Variants in XYLT1 observed in about 807,000 individuals in gnomAD.
The protein encoded by XYLT1 is beta-D-xylosyltransferase 1.
XYLT1 carries 36 observed loss-of-function variants against 91.3 expected under a neutral mutation model. That is an observed-to-expected ratio of 0.39 (90% CI 0.30 to 0.52). The LOEUF (loss-of-function observed/expected upper bound fraction) is 0.52, where lower values mean the gene tolerates loss of function less well. Among genes scored for constraint, XYLT1 ranks in the 20% least tolerant of loss-of-function variants. XYLT1 has a pLI of 0.68. For missense variants in XYLT1, 1,242 were observed against 1,284.5 expected, an observed-to-expected ratio of 0.97 and a Z score of 0.51; for synonymous variants, 588 against 532.0, an observed-to-expected ratio of 1.11 and a Z score of -1.45.
intron 2 of XYLT1, among the ~76,000 whole-genome samples, chr16:17,322,400 T>C (rs768310829): frequency 3.9e-5 from 6 of 152,182 alleles, no homozygotes; most frequent in Admixed American, 6.5e-5. Flanking sequence ...ATCATCATCA[T>C]CTCCATTTTA....
Position 17,105,987 on chromosome 16 carries a change from T to C in XYLT1, c.*2708A>G, listed in dbSNP as rs1431930805. The C allele has an allele frequency of 6.6e-6, 1 of 151,966 alleles. No homozygotes were observed. Among genetic ancestry groups the C allele is most frequent in the Non-Finnish European group, 1.5e-5 (1 of 67,996 alleles). The allele number at this position is 151,966 out of a possible 1,614,324, so 9.4% of individuals were successfully genotyped here. ...GCAACCTTATTCTCTGGTCTATTAA[T>C]TAATAACATCAGAGAAGGGAGAGGA... On this transcript the variant is annotated 3_prime_UTR_variant, in exon 12 of 12. Transcript: ENST00000261381.
At chr16:17,240,608 G>GT (rs2033330981) in intron 3 of XYLT1, among the ~76,000 whole-genome samples, 1 of 152,228 alleles carries the variant, frequency 6.6e-6, no homozygotes. Context: ...TGGTTGAAAT[G>GT]TGAGAATGAG....
At chr16:17,333,578 A>AT (rs1389907014) in intron 2 of XYLT1, among the ~76,000 whole-genome samples, 16 of 144,314 alleles carry the variant, frequency 1.1e-4, no homozygotes, top group African/African-American at 4.0e-4. Context: ...TAATTAATTA[A>AT]TTAATTTAAT....
chr16:17,277,387 A>C (rs1161278648), intron 2 of XYLT1, among the ~76,000 whole-genome samples: 1 of 151,274 alleles, frequency 6.6e-6, no homozygotes, highest in African/African-American at 2.4e-5. Flanking sequence ...GTCTACTGTC[A>C]CCACCTTTTT....
chr16:17,195,985 A>C (rs2032420370), intron 5 of XYLT1, among the ~76,000 whole-genome samples: 1 of 152,210 alleles, frequency 6.6e-6, no homozygotes, highest in African/African-American at 2.4e-5. Context: ...AATGTTCTAT[A>C]ACCATTCCCG....
intron 2 of XYLT1, among the ~76,000 whole-genome samples, chr16:17,260,182 T>A (rs920246595): frequency 6.6e-6 from 1 of 151,908 alleles, no homozygotes; most frequent in Non-Finnish European, 1.5e-5. Flanking sequence ...TCATTTGGGG[T>A]CAAGACAAAG....
intron 10 of XYLT1, among the ~76,000 whole-genome samples, chr16:17,123,670 G>A (rs938336984): frequency 6.6e-5 from 10 of 152,182 alleles, no homozygotes; most frequent in Admixed American, 1.3e-4. Context: ...AAAATGTTCT[G>A]TAAGTACCTG....
intron 1 of XYLT1, among the ~76,000 whole-genome samples, chr16:17,378,019 C>A (rs1220838278): frequency 6.6e-6 from 1 of 152,168 alleles, no homozygotes; most frequent in Non-Finnish European, 1.5e-5. Context: ...TCCCTTGCTT[C>A]TTTCTCTCTT....
intron 3 of XYLT1, among the ~76,000 whole-genome samples, chr16:17,255,181 T>A (rs1014709774): frequency 6.6e-6 from 1 of 151,984 alleles, no homozygotes; most frequent in South Asian, 2.1e-4. Context: ...GTATTTTTAG[T>A]AGAGATGAGG....
At chr16:17,400,003 C>T (rs903322229) in intron 1 of XYLT1, among the ~76,000 whole-genome samples, 6 of 152,336 alleles carry the variant, frequency 3.9e-5, no homozygotes, top group South Asian at 2.1e-4. Context: ...ATCCAGCCAG[C>T]GGACTTCTTC....
At chr16:17,214,480 T>G (rs1334407491) in intron 3 of XYLT1, among the ~76,000 whole-genome samples, 1 of 152,206 alleles carries the variant, frequency 6.6e-6, no homozygotes, top group Non-Finnish European at 1.5e-5. Flanking sequence ...GTCTTTCCCC[T>G]GTCTCCTATG....
chr16:17,158,241 G>A (rs2031460124), intron 6 of XYLT1, among the ~76,000 whole-genome samples: 1 of 152,198 alleles, frequency 6.6e-6, no homozygotes, highest in South Asian at 2.1e-4. Flanking sequence ...CTGGGTTGGG[G>A]TTCTGGGTGC....
intron 9 of XYLT1, among the ~76,000 whole-genome samples, chr16:17,129,072 G>GAAAAAAAAAAAAAAAAAAA (rs34234422): frequency 1.1e-5 from 1 of 95,220 alleles, no homozygotes. Context: ...AGGGAGCATA[G>GAAAAAAAAAAAAAAAAAAA]AAAAAAAAAA....
chr16:17,151,844 C>CCTG (rs986768092), intron 6 of XYLT1, among the ~76,000 whole-genome samples: 6 of 152,148 alleles, frequency 3.9e-5, no homozygotes. Flanking sequence ...CTGGAATCTA[C>CCTG]CTGCCTGGCT....
rs188169526 is a variant in XYLT1, at chr16:17,377,278, G to A, written c.364-19228C>T. 1.3e-3 allele frequency among the ~76,000 whole-genome samples: 197 copies of A among 150,386 alleles called. 2 individuals carry two copies. Among genetic ancestry groups the A allele is most frequent in the Middle Eastern group, 6.8e-3 (2 of 292 alleles). On this transcript the variant is annotated intron_variant, in intron 1 of 11. Coordinates refer to ENST00000261381, the MANE Select transcript of XYLT1 (RefSeq NM_022166.4). ...TAACTCACCCAAGATCCCCCAGCCA[G>A]GAAGAAGGACCTGGTTCTAGTGCCT... is the stretch of plus-strand genomic sequence containing the variant.
chr16:17,242,070 C>G (rs1354027443), intron 3 of XYLT1, among the ~76,000 whole-genome samples: 1 of 152,174 alleles, frequency 6.6e-6, no homozygotes. Flanking sequence ...ATCATAAGAA[C>G]AGCAAAAGAA....
intron 1 of XYLT1, among the ~76,000 whole-genome samples, chr16:17,414,456 G>C (rs2036154419): frequency 6.6e-6 from 1 of 152,028 alleles, no homozygotes; most frequent in African/African-American, 2.4e-5. Context: ...TTAGCCTCTG[G>C]AGTGGCTGGG....
chr16:17,303,527 G>A (rs991730884), intron 2 of XYLT1, among the ~76,000 whole-genome samples: 11 of 152,200 alleles, frequency 7.2e-5, no homozygotes, highest in South Asian at 2.1e-4. Flanking sequence ...TGATGCCCCC[G>A]TGAGTCCCCA....
At chr16:17,359,968 T>C (rs2035359304) in intron 1 of XYLT1, among the ~76,000 whole-genome samples, 1 of 152,178 alleles carries the variant, frequency 6.6e-6, no homozygotes, top group African/African-American at 2.4e-5. Context: ...GGTCTGTGGG[T>C]GGCAGCATGA....
Sources: gnomAD v4.1 joint callset for allele counts (sites outside exome capture counted in the v4.1 genomes callset) on GRCh38, gnomAD v4.1.1 for gene constraint, MANE v1.5 for transcripts, NCBI Gene and HGNC (gene_info 2026-07-23, HGNC 2026-07-21) for gene names.